DGAT2: variants seen among roughly 807,000 people sequenced by gnomAD.
The protein encoded by DGAT2 is acyl-CoA retinol O-fatty-acyltransferase.
A neutral mutation model predicts 48.4 loss-of-function variants in DGAT2; 33 were observed. That is an observed-to-expected ratio of 0.68 (90% CI 0.52 to 0.91). The LOEUF is 0.91. Among genes scored for constraint, DGAT2 ranks in the 40% least tolerant of loss-of-function variants. The pLI is 0.00. For synonymous variants in DGAT2, 191 were observed against 194.1 expected, an observed-to-expected ratio of 0.98 and a Z score of 0.13; for missense variants, 446 against 493.7, an observed-to-expected ratio of 0.90 and a Z score of 0.92.
At chr11:75,798,998 T>C (rs887066620) in intron 7 of DGAT2, among the ~76,000 whole-genome samples, 3 of 152,116 alleles carry the variant, frequency 2.0e-5, no homozygotes, top group African/African-American at 7.2e-5. Flanking sequence ...CTGTGTTGTT[T>C]TGGGTGTATT....
chr11:75,800,308 G>C (rs1423386908), intron 7 of DGAT2, 46 bp from the exon 8 acceptor site: 1 of 1,594,078 alleles, frequency 6.3e-7, no homozygotes, highest in Non-Finnish European at 8.5e-7. Flanking sequence ...TGGATGCCCA[G>C]GGGAAGGGTG....
chr11:75,796,285 C>G lies in DGAT2; in HGVS notation c.430-43C>G, dbSNP rs201156026. On this transcript the variant is annotated intron_variant, in intron 4 of 7. Coordinates refer to ENST00000228027, the MANE Select transcript of DGAT2 (RefSeq NM_032564.5). ...TACCCTCCGGGTATGCCCCGGTATC[C>G]CTCTCCCAGCCAGTTTCCTCTGACC... is the stretch of plus-strand genomic sequence containing the variant. 68 of 1,570,398 alleles carry G rather than the reference C, an allele frequency of 4.3e-5. No individual in the cohort carries two copies. In the Admixed American group the frequency reaches 1.1e-3, roughly 26 times the overall value.
chr11:75,790,876 C>T (rs983446543), intron 4 of DGAT2, 145 bp downstream of exon 4: 2 of 776,580 alleles, frequency 2.6e-6, no homozygotes, highest in Non-Finnish European at 4.4e-6. Context: ...GTGCTGGGGA[C>T]CCCACTGCTC....
In DGAT2 at chr11:75,796,824, A is replaced by G. The variant is rs1945061798; in HGVS notation, c.634+292A>G. On this transcript the variant is annotated intron_variant, in intron 5 of 7. Transcript: ENST00000228027. The stretch of plus-strand genomic sequence containing the variant: ...GTACAACCTGATTGTTGTCCATGGC[A>G]CTGTAATTGTCCACCTGCCTGAGAC... 5 of 490,576 alleles carry G rather than the reference A, an allele frequency of 1.0e-5. No individual in the cohort carries two copies. The East Asian group carries it at 1.7e-4, about 17-fold the overall frequency. 30.4% of individuals were successfully genotyped at this position (490,576 alleles called of 1,614,324 possible).
intron 1 of DGAT2, among the ~76,000 whole-genome samples, chr11:75,783,572 A>G (rs1278274245): frequency 6.6e-6 from 1 of 152,160 alleles, no homozygotes; most frequent in African/African-American, 2.4e-5. Context: ...CACAGAGCAG[A>G]TGGTATGAAG....
rs530729626 is a variant in DGAT2 at position 75,800,860 on chromosome 11, G to C, written c.*352G>C. On this transcript the variant is annotated 3_prime_UTR_variant, in exon 8 of 8. Coordinates refer to ENST00000228027, the MANE Select transcript of DGAT2 (RefSeq NM_032564.5). ...TAGATGATTCACTTTTTGCCCCTAG[G>C]GATGAGAGGCGAAAGCCACTTCTCA... 6.9e-4 allele frequency: 162 copies of C among 235,126 alleles called. 1 individual carries two copies. Among genetic ancestry groups the C allele is most frequent in the South Asian group, 6.6e-3 (123 of 18,766 alleles). 14.6% of individuals were successfully genotyped at this position (235,126 alleles called of 1,614,324 possible).
intron 1 of DGAT2, among the ~76,000 whole-genome samples, chr11:75,782,403 A>G (rs1163625770): frequency 6.6e-6 from 1 of 152,180 alleles, no homozygotes; most frequent in Non-Finnish European, 1.5e-5. Flanking sequence ...GCTAGAGTAC[A>G]TTTTGTCTTC....
At chr11:75,783,934 A>G (rs1197640651) in intron 1 of DGAT2, among the ~76,000 whole-genome samples, 3 of 152,112 alleles carry the variant, frequency 2.0e-5, no homozygotes, top group African/African-American at 7.2e-5. Context: ...CTCACTGGCT[A>G]CTGGGCCCTT....
At chr11:75,797,058 C>T (rs1945063924) in intron 5 of DGAT2, 100 bp from the exon 6 acceptor site, 3 of 1,247,830 alleles carry the variant, frequency 2.4e-6, no homozygotes, top group South Asian at 2.0e-5. Flanking sequence ...GGTCTGGGGC[C>T]CAGGTCCAGG....
chr11:75,801,379 C>CG lies in DGAT2; in HGVS notation c.*872dup, dbSNP rs1945110764. 2 of 152,620 alleles carry CG rather than the reference C, an allele frequency of 1.3e-5. No individual in the cohort carries two copies. Among genetic ancestry groups the CG allele is most frequent in the South Asian group, 4.1e-4 (2 of 4,828 alleles). The allele number at this position is 152,620 out of a possible 1,614,324, so 9.5% of individuals were successfully genotyped here. A position where few individuals can be genotyped will look rare whatever the true frequency, so the allele number is the denominator to read the frequency against. On this transcript the variant is annotated 3_prime_UTR_variant, in exon 8 of 8. Coordinates refer to ENST00000228027, the MANE Select transcript of DGAT2 (RefSeq NM_032564.5). Reference sequence around the variant, plus strand: ...GATTAGTTCCAAAGCAGGTGGCCCCCGAACCCAAGCCTCACTTTTCTGTGC... The same window carrying CG: ...GATTAGTTCCAAAGCAGGTGGCCCCCGGAACCCAAGCCTCACTTTTCTGTGC...
intron 1 of DGAT2, among the ~76,000 whole-genome samples, chr11:75,774,410 C>A (rs1026106033): frequency 3.3e-5 from 5 of 152,218 alleles, no homozygotes; most frequent in Admixed American, 1.3e-4. Context: ...ACCCTGTGAA[C>A]CTTTTGGGTA....
intron 2 of DGAT2, among the ~76,000 whole-genome samples, chr11:75,788,310 C>G (rs1944944567): frequency 6.6e-6 from 1 of 152,212 alleles, no homozygotes; most frequent in African/African-American, 2.4e-5. Context: ...AGCCTTTAGA[C>G]ATAGCTATTC....
At position 75,790,188 on chromosome 11, in the gene DGAT2, G is replaced by A; in HGVS notation, c.251G>A (p.Gly84Glu). 6.2e-7 allele frequency: 1 copy of A among 1,612,692 alleles called. No homozygotes were observed. Among genetic ancestry groups the A allele is most frequent in the African/African-American group, 1.3e-5 (1 of 75,016 alleles). The change falls in exon 3 of 8, where the codon GGA (glycine) becomes GAA (glutamate). Residue 84 changes from glycine to glutamate, a missense_variant and splice_region_variant. Coordinates refer to ENST00000228027, the MANE Select transcript of DGAT2 (RefSeq NM_032564.5). ...TGACCTGTGGCCATCTGCCCCCCAG[G>A]AGTGGCCTGCAGTGCCATCCTCATG... ...LQWVLSFLVL[G>E]VACSAILMYI...
rs368295881 is a variant in DGAT2 at position 75,796,547 on chromosome 11, C to T, written c.634+15C>T. The T allele has an allele frequency of 1.6e-5, 25 of 1,608,750 alleles. No individual in the cohort carries two copies. The South Asian group carries it at 2.5e-4, about 16-fold the overall frequency. On this transcript the variant is annotated intron_variant, in intron 5 of 7. Transcript: ENST00000228027. Reference sequence around the variant, plus strand: ...GATGTCTGGAGGTAAGAATCCACCCCCTGTGCTCCTGCTGGGCACTGTTGT... The same window carrying T: ...GATGTCTGGAGGTAAGAATCCACCCTCTGTGCTCCTGCTGGGCACTGTTGT...
rs1944728720 is a variant in DGAT2, at chr11:75,769,025, C to G, written c.34C>G (p.Leu12Val). 2 of 1,578,018 alleles carry G rather than the reference C, an allele frequency of 1.3e-6. No homozygotes were observed. Among genetic ancestry groups the G allele is most frequent in the Admixed American group, 1.8e-5 (1 of 55,952 alleles). Residue 12 changes from leucine (L) to valine (V), a missense_variant, in exon 1 of 8, where the codon CTG becomes GTG. Transcript: ENST00000228027. ...KTLIAAYSGV[L>V]RGERQAEADR... ...CCTCATAGCCGCCTACTCCGGGGTC[C>G]TGCGCGGCGAGCGTCAGGCCGAGGC...
At chr11:75,781,764 C>A (rs1371241361) in intron 1 of DGAT2, among the ~76,000 whole-genome samples, 1 of 152,164 alleles carries the variant, frequency 6.6e-6, no homozygotes, top group African/African-American at 2.4e-5. Flanking sequence ...AGCCTGCAGA[C>A]CCACCTTGCT....
At chr11:75,774,959 G>A (rs539298078) in intron 1 of DGAT2, among the ~76,000 whole-genome samples, 8 of 152,028 alleles carry the variant, frequency 5.3e-5, no homozygotes, top group Non-Finnish European at 8.8e-5. Context: ...ATCCATGTTC[G>A]GTATCAGGAA....
At chr11:75,789,351 A>G (rs893795711) in intron 2 of DGAT2, among the ~76,000 whole-genome samples, 5 of 152,072 alleles carry the variant, frequency 3.3e-5, no homozygotes, top group Admixed American at 6.6e-5. Context: ...GAGTCTCGCT[A>G]TGTTGCCCAG....
chr11:75,771,116 G>A (rs1453212713), intron 1 of DGAT2, among the ~76,000 whole-genome samples: 1 of 152,144 alleles, frequency 6.6e-6, no homozygotes, highest in African/African-American at 2.4e-5. Flanking sequence ...GGGAAGTCCT[G>A]TGACGGGTGA....
Sources: gnomAD v4.1 joint callset for allele counts (sites outside exome capture counted in the v4.1 genomes callset) on GRCh38, gnomAD v4.1.1 for gene constraint, MANE v1.5 for transcripts, NCBI Gene and HGNC (gene_info 2026-07-23, HGNC 2026-07-21) for gene names.